The following PINK1 variants were observed in gnomAD, a reference collection of about 807,000 sequenced individuals.
The protein encoded by PINK1 is serine/threonine-protein kinase PINK1, mitochondrial.
A neutral mutation model predicts 56.0 loss-of-function variants in PINK1; 58 were observed. That is an observed-to-expected ratio of 1.04 (90% confidence interval 0.84 to 1.29). The LOEUF (loss-of-function observed/expected upper bound fraction) is 1.29, where lower values mean the gene tolerates loss of function less well. Ranked by LOEUF, PINK1 falls within the 50% of genes most tolerant of loss-of-function variation. PINK1 has a pLI of 0.00. For missense variants in PINK1, 745 were observed against 777.9 expected, an observed-to-expected ratio of 0.96 and a Z score of 0.50; for synonymous variants, 354 against 339.3, an observed-to-expected ratio of 1.04 and a Z score of -0.48.
chr1:20,637,976 C>G lies in PINK1; in HGVS notation c.522C>G (p.Thr174=). 6.2e-6 allele frequency: 10 copies of G among 1,614,192 alleles called. No individual in the cohort carries two copies. The highest frequency in any genetic ancestry group is 8.5e-6 in the Non-Finnish European group (10 of 1,180,032). Reference sequence around the variant, plus strand: ...GCAGTGCTGCTGTGTATGAAGCCACCATGCCTACATTGCCCCAGAACCTGG... The same window carrying G: ...GCAGTGCTGCTGTGTATGAAGCCACGATGCCTACATTGCCCCAGAACCTGG... ...KGCSAAVYEA[T]MPTLPQNLEV... is the part of the protein sequence containing the mutation. Residue 174 remains threonine (T), a synonymous_variant, in exon 2 of 8, where the codon ACC becomes ACG. Coordinates refer to ENST00000321556, the MANE Select transcript of PINK1 (RefSeq NM_032409.3).
intron 1 of PINK1, 29 bp downstream of exon 1, chr1:20,633,964 G>C (rs780188375): frequency 6.4e-7 from 1 of 1,569,736 alleles, no homozygotes; most frequent in Non-Finnish European, 8.6e-7. Flanking sequence ...TAAGCCGAGC[G>C]GAGGACGGAG....
At chr1:20,648,282 C>T (rs959873940) in intron 5 of PINK1, 1 of 609,274 alleles carries the variant, frequency 1.6e-6, no homozygotes, top group Non-Finnish European at 3.0e-6. Flanking sequence ...GCCACACAGT[C>T]CTTTGCCTGG....
At chr1:20,635,830 CAG>C (rs1437623570) in intron 1 of PINK1, among the ~76,000 whole-genome samples, 2 of 151,162 alleles carry the variant, frequency 1.3e-5, no homozygotes, top group Non-Finnish European at 2.9e-5. Context: ...GCCTAGAGGA[CAG>C]AGTGAGACTC....
At chr1:20,638,251 C>A (rs2053077938) in intron 2 of PINK1, 122 bp downstream of exon 2, 4 of 1,219,922 alleles carry the variant, frequency 3.3e-6, no homozygotes, top group Non-Finnish European at 1.1e-6. Flanking sequence ...GGAAAGGTGC[C>A]TGTATAGTCA....
chr1:20,643,795 C>T (rs560517474), intron 3 of PINK1, among the ~76,000 whole-genome samples: 1 of 152,278 alleles, frequency 6.6e-6, no homozygotes, highest in Admixed American at 6.5e-5. Flanking sequence ...TCCCCTTGCA[C>T]CCTGGAGATT....
chr1:20,648,360 T>C (rs2053214148), intron 5 of PINK1, 145 bp from the exon 6 acceptor site: 1 of 1,213,622 alleles, frequency 8.2e-7, no homozygotes, highest in Non-Finnish European at 1.2e-6. Flanking sequence ...TGATCAGCTC[T>C]CAGGCCTTGC....
chr1:20,633,987 GC>G, intron 1 of PINK1, 52 bp downstream of exon 1: 1 of 1,544,436 alleles, frequency 6.5e-7, no homozygotes, highest in Non-Finnish European at 8.7e-7. Context: ...AAGCGCGGGG[GC>G]GGGTCCTCAG....
intron 4 of PINK1, 55 bp from the exon 5 acceptor site, chr1:20,645,504 AC>A (rs762572298): frequency 6.6e-7 from 1 of 1,517,228 alleles, no homozygotes; most frequent in Non-Finnish European, 9.0e-7. Context: ...AAAAAAAAAA[AC>A]GTATTGGGAG....
intron 2 of PINK1, chr1:20,638,508 G>C: frequency 3.3e-6 from 1 of 301,420 alleles, no homozygotes; most frequent in South Asian, 3.1e-5. Context: ...GCTTGCACCT[G>C]TATGTAGTCT....
intron 1 of PINK1, 75 bp downstream of exon 1, chr1:20,634,010 C>A: frequency 1.2e-6 from 1 of 804,528 alleles, no homozygotes; most frequent in Non-Finnish European, 1.7e-6. Context: ...TGGGTGGGGG[C>A]GGGGCTAGGT....
At chr1:20,636,675 T>C (rs1478329599) in intron 1 of PINK1, among the ~76,000 whole-genome samples, 10 of 152,136 alleles carry the variant, frequency 6.6e-5, no homozygotes. Context: ...TTCAAAGTTA[T>C]AGTGCAAGGT....
chr1:20,639,934 G>A lies in PINK1; in HGVS notation c.718G>A (p.Glu240Lys), dbSNP rs573931674. 6 of 1,613,256 alleles carry A rather than the reference G, an allele frequency of 3.7e-6. No homozygotes were observed. In the South Asian group the frequency reaches 6.6e-5, roughly 18 times the overall value. The change falls in exon 3 of 8, where the codon GAG becomes AAG. Residue 240 changes from glutamate (E) to lysine (K), a missense_variant. By Grantham distance (56) the Glu-to-Lys change is moderately conservative. Coordinates refer to ENST00000321556, the MANE Select transcript of PINK1 (RefSeq NM_032409.3). ...SEAILNTMSQ[E>K]LVPASRVALA... ...AGCCATCTTGAACACAATGAGCCAG[G>A]AGCTGGTCCCAGCGAGCCGAGTGGC... is the stretch of plus-strand genomic sequence containing the variant.
At chr1:20,647,053 A>ATGTTTTTT (rs770141390) in intron 5 of PINK1, among the ~76,000 whole-genome samples, 1 of 91,436 alleles carries the variant, frequency 1.1e-5, no homozygotes, top group Non-Finnish European at 2.1e-5. Context: ...CTAATTTTTG[A>ATGTTTTTT]TTTTTTTTTT....
Position 20,649,688 on chromosome 1 carries a change from C to T in PINK1, c.1488+457C>T, listed in dbSNP as rs546015142. 11 of 182,986 alleles carry T rather than the reference C, an allele frequency of 6.0e-5. No homozygotes were observed. In the South Asian group the frequency reaches 1.2e-3, roughly 19 times the overall value. The allele number at this position is 182,986 out of a possible 1,614,324, so 11.3% of individuals were successfully genotyped here. ...GCTGAAGCAGGAGAATCGTTTGAAC[C>T]CTGGAGGCAGAGGTTGCAGTGAGCC... On this transcript the variant is annotated intron_variant, in intron 7 of 7. Transcript: ENST00000321556.
intron 7 of PINK1, chr1:20,649,633 C>T (rs948090049): frequency 2.6e-5 from 6 of 228,232 alleles, no homozygotes; most frequent in South Asian, 1.8e-4. Context: ...AGTGTCGTGG[C>T]ACACGCCTGT....
At position 20,648,607 on chromosome 1, in the gene PINK1, G is replaced by C; in HGVS notation, c.1226G>C (p.Gly409Ala). 2 of 1,614,042 alleles carry C rather than the reference G, an allele frequency of 1.2e-6. No individual in the cohort carries two copies. Among genetic ancestry groups the C allele is most frequent in the Non-Finnish European group, 8.5e-7 (1 of 1,180,040 alleles). Residue 409 changes from glycine (G) to alanine (A), a missense_variant, in exon 6 of 8, where the codon GGA becomes GCA. Transcript: ENST00000321556. ...PFSSWYVDRG[G>A]NGCLMAPEVS... is the part of the protein sequence containing the mutation. The stretch of plus-strand genomic sequence containing the variant: ...AGCAGCTGGTACGTGGATCGGGGCG[G>C]AAACGGCTGTCTGATGGCCCCAGAG...
intron 5 of PINK1, among the ~76,000 whole-genome samples, chr1:20,648,144 G>A (rs901352877): frequency 1.3e-5 from 2 of 152,150 alleles, no homozygotes; most frequent in African/African-American, 4.8e-5. Flanking sequence ...TCTTAGGTTT[G>A]GATTTGGGGT....
intron 1 of PINK1, among the ~76,000 whole-genome samples, chr1:20,634,831 G>A (rs542761019): frequency 2.0e-5 from 3 of 152,340 alleles, no homozygotes; most frequent in African/African-American, 4.8e-5. Context: ...CATTTTACAG[G>A]TTAGGGCTGA....
rs1173339850 is a variant in PINK1, at chr1:20,650,784, A to G, written c.*93A>G. 8.6e-6 allele frequency: 13 copies of G among 1,519,592 alleles called. No individual in the cohort carries two copies. The highest frequency in any genetic ancestry group is 1.2e-5 in the South Asian group (1 of 84,920). The allele number at this position is 1,519,592 out of a possible 1,614,324, so 94.1% of individuals were successfully genotyped here. On this transcript the variant is annotated 3_prime_UTR_variant, in exon 8 of 8. Coordinates refer to ENST00000321556, the MANE Select transcript of PINK1 (RefSeq NM_032409.3). ...ATGGTGAGGGTGGGAGTCAGGAGAC[A>G]AGACAGCGCAGAGAGGGCTGGTTAG... is the stretch of plus-strand genomic sequence containing the variant.
Sources: allele counts gnomAD v4.1 joint callset (sites outside exome capture counted in the v4.1 genomes callset), GRCh38; gene constraint gnomAD v4.1.1; transcripts MANE v1.5; gene names NCBI Gene and HGNC (gene_info 2026-07-23, HGNC 2026-07-21).